The following EVI5 variants were observed in gnomAD, a reference collection of about 807,000 sequenced individuals.
EVI5 encodes ecotropic viral integration site 5 protein homolog.
Under a neutral mutation model 112.0 loss-of-function variants are expected in EVI5, and 73 were observed. That is an observed-to-expected ratio of 0.65 (90% CI 0.54 to 0.79). The LOEUF (loss-of-function observed/expected upper bound fraction) is 0.79. Among genes scored for constraint, EVI5 ranks in the 30% least tolerant of loss-of-function variants. The pLI, the probability that EVI5 is intolerant of heterozygous loss-of-function variation, is 0.00. For synonymous variants in EVI5, 305 were observed against 319.9 expected, an observed-to-expected ratio of 0.95 and a Z score of 0.50; for missense variants, 900 against 968.8, an observed-to-expected ratio of 0.93 and a Z score of 0.94.
At chr1:92,734,260 AG>A (rs1344002100) in intron 2 of EVI5, among the ~76,000 whole-genome samples, 2 of 152,244 alleles carry the variant, frequency 1.3e-5, no homozygotes, top group Non-Finnish European at 2.9e-5. Context: ...CACTTCCAGT[AG>A]GATTCATCTT....
chr1:92,679,476 A>G (rs1397727015), intron 9 of EVI5, among the ~76,000 whole-genome samples: 1 of 152,210 alleles, frequency 6.6e-6, no homozygotes, highest in African/African-American at 2.4e-5. Flanking sequence ...TCATTTATAC[A>G]CCTAAAAATA....
At chr1:92,735,709 ATAT>A (rs1297817437) in intron 2 of EVI5, among the ~76,000 whole-genome samples, 68 of 142,432 alleles carry the variant, frequency 4.8e-4, no homozygotes, top group African/African-American at 5.9e-4. Flanking sequence ...GAAATATACA[ATAT>A]TATATTATAT....
chr1:92,548,962 C>T (rs1263917770), intron 19 of EVI5, among the ~76,000 whole-genome samples: 1 of 152,138 alleles, frequency 6.6e-6, no homozygotes, highest in Non-Finnish European at 1.5e-5. Flanking sequence ...CATCAAGCTA[C>T]CAATGACTTT....
chr1:92,579,461 AAGAC>A (rs926458627), intron 18 of EVI5, among the ~76,000 whole-genome samples: 1 of 152,228 alleles, frequency 6.6e-6, no homozygotes, highest in African/African-American at 2.4e-5. Context: ...AGATAAATCA[AAGAC>A]AGCCTATAAA....
chr1:92,784,513 C>T (rs1685337505), intron 1 of EVI5: 6 of 798,440 alleles, frequency 7.5e-6, no homozygotes, highest in Non-Finnish European at 9.1e-6. Flanking sequence ...GGGTCAGTGT[C>T]CTCCACGGGA....
intron 10 of EVI5, among the ~76,000 whole-genome samples, chr1:92,672,894 GTATA>G (rs1413004901): frequency 6.6e-6 from 1 of 152,132 alleles, no homozygotes; most frequent in Non-Finnish European, 1.5e-5. Context: ...GCAGCACAGT[GTATA>G]TACTGAAGAA....
chr1:92,609,577 C>T (rs571113364), intron 16 of EVI5, among the ~76,000 whole-genome samples: 29 of 152,038 alleles, frequency 1.9e-4, no homozygotes, highest in Non-Finnish European at 4.1e-4. Flanking sequence ...AGGCTGGTCT[C>T]GAACTCCTAA....
At chr1:92,640,555 T>C (rs1000575087) in intron 13 of EVI5, among the ~76,000 whole-genome samples, 10 of 152,082 alleles carry the variant, frequency 6.6e-5, no homozygotes, top group Non-Finnish European at 1.3e-4. Flanking sequence ...CACAATGAGA[T>C]ACCATCTCAT....
At chr1:92,566,078 T>A (rs1669436437) in intron 18 of EVI5, among the ~76,000 whole-genome samples, 1 of 151,280 alleles carries the variant, frequency 6.6e-6, no homozygotes, top group South Asian at 2.1e-4. Flanking sequence ...TATCTCTAAC[T>A]ACCCTTAGTT....
At chr1:92,775,887 T>C (rs1429507425) in intron 1 of EVI5, among the ~76,000 whole-genome samples, 1 of 152,144 alleles carries the variant, frequency 6.6e-6, no homozygotes, top group Admixed American at 6.6e-5. Flanking sequence ...GGCAGGTGGA[T>C]CACGAGGTCA....
intron 16 of EVI5, among the ~76,000 whole-genome samples, chr1:92,608,955 T>C (rs1651112494): frequency 6.6e-6 from 1 of 152,204 alleles, no homozygotes; most frequent in Admixed American, 6.5e-5. Context: ...CTCAGTTTGG[T>C]GTCTTCAGAA....
chr1:92,703,465 G>C lies in EVI5; in HGVS notation c.494C>G (p.Thr165Ser). The C allele has an allele frequency of 6.2e-7, 1 of 1,600,102 alleles. No individual in the cohort carries two copies. The highest frequency in any genetic ancestry group is 2.2e-5 in the East Asian group (1 of 44,600). Reference sequence around the variant, plus strand: ...CTTAAAAAAGTTGTGTTCAGGGTAAGTTCTAGCAATGTCCCTTCGGATCAA... The same window carrying C: ...CTTAAAAAAGTTGTGTTCAGGGTAACTTCTAGCAATGTCCCTTCGGATCAA... ...EKLIRRDIAR[T>S]YPEHNFFKEK... Residue 165 changes from threonine (T) to serine (S), a missense_variant, in exon 4 of 20, where the codon ACT (threonine) becomes AGT (serine). Coordinates refer to ENST00000684568, the MANE Select transcript of EVI5 (RefSeq NM_001350197.2).
At chr1:92,654,083 A>G (rs1285240381) in intron 13 of EVI5, among the ~76,000 whole-genome samples, 1 of 151,934 alleles carries the variant, frequency 6.6e-6, no homozygotes, top group African/African-American at 2.4e-5. Flanking sequence ...TTGGCTGTCC[A>G]TCTCTGCCCT....
At chr1:92,664,979 G>A (rs888468568) in intron 11 of EVI5, among the ~76,000 whole-genome samples, 2 of 152,172 alleles carry the variant, frequency 1.3e-5, no homozygotes, top group African/African-American at 4.8e-5. Flanking sequence ...GGCCGAGGCA[G>A]GCGGATCACG....
intron 2 of EVI5, among the ~76,000 whole-genome samples, chr1:92,706,100 G>A (rs1222551051): frequency 6.6e-6 from 1 of 151,610 alleles, no homozygotes; most frequent in Non-Finnish European, 1.5e-5. Flanking sequence ...TATTTTCATG[G>A]CAACAATAAT....
intron 1 of EVI5, among the ~76,000 whole-genome samples, chr1:92,781,739 G>A (rs959653050): frequency 7.9e-5 from 12 of 151,878 alleles, no homozygotes; most frequent in East Asian, 5.8e-4. Flanking sequence ...TGTATGACTT[G>A]AGCCCAGGAG....
At chr1:92,545,705 A>C (rs1665572639) in intron 19 of EVI5, among the ~76,000 whole-genome samples, 1 of 152,152 alleles carries the variant, frequency 6.6e-6, no homozygotes, top group South Asian at 2.1e-4. Context: ...CAGCCATTAG[A>C]TCAATCTCTA....
At chr1:92,632,685 C>G (rs1348440605) in intron 14 of EVI5, among the ~76,000 whole-genome samples, 2 of 152,100 alleles carry the variant, frequency 1.3e-5, no homozygotes, top group African/African-American at 4.8e-5. Context: ...CAGTTCTGCT[C>G]CGATCTTAGT....
At chr1:92,686,038 G>C (rs1411210391) in intron 9 of EVI5, among the ~76,000 whole-genome samples, 1 of 152,100 alleles carries the variant, frequency 6.6e-6, no homozygotes, top group African/African-American at 2.4e-5. Context: ...ATCCACCTTA[G>C]CTCATTTTAT....
Sources: allele counts gnomAD v4.1 joint callset (sites outside exome capture counted in the v4.1 genomes callset), GRCh38; gene constraint gnomAD v4.1.1; transcripts MANE v1.5; gene names NCBI Gene and HGNC (gene_info 2026-07-23, HGNC 2026-07-21).